EPN2: variants seen among roughly 807,000 people sequenced by gnomAD.
EPN2 encodes epsin-2.
In EPN2, 34 loss-of-function variants were observed where a neutral mutation model predicts 61.7. The observed-to-expected ratio is 0.55, with a 90% CI of 0.42 to 0.73. EPN2 has a LOEUF of 0.73. Among genes scored for constraint, EPN2 ranks in the 30% least tolerant of loss-of-function variants. EPN2 has a pLI of 0.00. For missense variants in EPN2, 714 were observed against 839.2 expected (o/e 0.85, Z 1.84); for synonymous variants, 349 against 353.6 (o/e 0.99, Z 0.15).
intron 7 of EPN2, among the ~76,000 whole-genome samples, chr17:19,326,497 T>C (rs59843014): frequency 0.01 from 1,592 of 152,130 alleles, 21 homozygotes; most frequent in African/African-American, 0.035. Context: ...CCATCCTGGC[T>C]AACACGGTGA....
At chr17:19,263,415 C>T (rs148073253) in intron 1 of EPN2, among the ~76,000 whole-genome samples, 8 of 152,216 alleles carry the variant, frequency 5.3e-5, no homozygotes, top group African/African-American at 1.4e-4. Flanking sequence ...ATAGAAATTA[C>T]GTGGGTTGGC....
intron 1 of EPN2, among the ~76,000 whole-genome samples, chr17:19,262,409 C>T (rs1197662792): frequency 6.6e-6 from 1 of 151,780 alleles, no homozygotes; most frequent in Non-Finnish European, 1.5e-5. Context: ...ACCCAGGAGG[C>T]GGAGGTTGCC....
chr17:19,334,597 C>G lies in EPN2; in HGVS notation c.*343C>G. On this transcript the variant is annotated 3_prime_UTR_variant, in exon 11 of 11. Coordinates refer to ENST00000314728, the MANE Select transcript of EPN2 (RefSeq NM_014964.5). The surrounding 1 kb of genome is among the most constrained non-coding windows in gnomAD (Gnocchi z 4.9). ...ATGTTGCCTGGCCCAGGACTTGGGA[C>G]AGTGGCCTTGTCTTTGTCCTCCCCA... 1 of 202,770 alleles carries G rather than the reference C, an allele frequency of 4.9e-6. No homozygotes were observed. The highest frequency in any genetic ancestry group is 9.8e-6 in the Non-Finnish European group (1 of 101,886). 12.6% of individuals were successfully genotyped at this position (202,770 alleles called of 1,614,324 possible). A position where few individuals can be genotyped will look rare whatever the true frequency, so the allele number is the denominator to read the frequency against.
intron 1 of EPN2, among the ~76,000 whole-genome samples, chr17:19,259,739 A>C (rs16960158): frequency 0.19 from 28,654 of 152,092 alleles, 3,480 homozygotes; most frequent in East Asian, 0.6. Flanking sequence ...GGAAAAGGCC[A>C]AGGGTGCCTA....
intron 1 of EPN2, among the ~76,000 whole-genome samples, chr17:19,261,005 C>G (rs1361930048): frequency 1.3e-5 from 2 of 152,182 alleles, no homozygotes; most frequent in East Asian, 3.9e-4. Flanking sequence ...GAATACTCAC[C>G]CCTGAGGAAA....
At chr17:19,320,619 C>T (rs1906595459) in intron 7 of EPN2, among the ~76,000 whole-genome samples, 1 of 152,188 alleles carries the variant, frequency 6.6e-6, no homozygotes, top group African/African-American at 2.4e-5. Context: ...TTACTAAAAT[C>T]CCTAAGAGCT....
At chr17:19,289,724 GTTTTTTTTT>G (rs58087532) in intron 4 of EPN2, among the ~76,000 whole-genome samples, 3 of 78,028 alleles carry the variant, frequency 3.8e-5, no homozygotes, top group African/African-American at 9.6e-5. Context: ...GGCGCTCATG[GTTTTTTTTT>G]TTTTTTTTTT....
intron 5 of EPN2, among the ~76,000 whole-genome samples, chr17:19,310,972 C>T (rs1250576080): frequency 6.6e-6 from 1 of 152,074 alleles, no homozygotes; most frequent in Non-Finnish European, 1.5e-5. Flanking sequence ...CCTTTGGTTG[C>T]AGTTATCAGG....
intron 1 of EPN2, chr17:19,276,471 C>T (rs140229165): frequency 0.034 from 4,888 of 145,332 alleles, 343 homozygotes; most frequent in South Asian, 0.2. Context: ...CTTGGCCTCC[C>T]GAAGTGCTGG....
chr17:19,257,541 A>G (rs1386999416), intron 1 of EPN2, among the ~76,000 whole-genome samples: 1 of 143,140 alleles, frequency 7.0e-6, no homozygotes, highest in African/African-American at 2.7e-5. Context: ...TTTTTTTGAC[A>G]CGGGGTCTTG....
intron 1 of EPN2, among the ~76,000 whole-genome samples, chr17:19,278,442 G>A (rs998859082): frequency 1.3e-5 from 2 of 152,166 alleles, no homozygotes; most frequent in Non-Finnish European, 2.9e-5. Flanking sequence ...AGAGAAAAAT[G>A]AGGAAGAAGC....
intron 1 of EPN2, among the ~76,000 whole-genome samples, chr17:19,267,238 T>C (rs4608393): frequency 1.3e-5 from 2 of 151,620 alleles, no homozygotes; most frequent in East Asian, 2.0e-4. Flanking sequence ...TGAGGACGTG[T>C]GTGGTGACCA....
chr17:19,292,071 G>A (rs1420389330), intron 4 of EPN2, among the ~76,000 whole-genome samples: 1 of 152,192 alleles, frequency 6.6e-6, no homozygotes, highest in African/African-American at 2.4e-5. Context: ...ACTCAAAGAT[G>A]TGGGAAAATA....
At position 19,334,255 on chromosome 17, in the gene EPN2, T is replaced by A. The variant is rs766845794; in HGVS notation, c.*1T>A. The stretch of plus-strand genomic sequence containing the variant: ...CACAACCAACCCTTTCCTTCTCTAG[T>A]GCCTGGGCCTGGGACCCACCCAGAG... On this transcript the variant is annotated 3_prime_UTR_variant, in exon 11 of 11. Transcript: ENST00000314728. This position sits in a 1 kb window ranked among gnomAD's most constrained non-coding sequence, Gnocchi z 4.9. 2.1e-6 allele frequency: 3 copies of A among 1,446,622 alleles called. No homozygotes were observed. The highest frequency in any genetic ancestry group is 2.8e-6 in the Non-Finnish European group (3 of 1,089,180). 89.6% of individuals were successfully genotyped at this position (1,446,622 alleles called of 1,614,324 possible).
intron 1 of EPN2, among the ~76,000 whole-genome samples, chr17:19,247,396 C>T (rs911352697): frequency 1.3e-5 from 2 of 152,046 alleles, no homozygotes; most frequent in African/African-American, 4.8e-5. Flanking sequence ...GATTCTTTGT[C>T]AGGGGGTCAA....
chr17:19,266,477 A>G (rs898786745), intron 1 of EPN2, among the ~76,000 whole-genome samples: 20 of 148,908 alleles, frequency 1.3e-4, no homozygotes, highest in Non-Finnish European at 1.9e-4. Flanking sequence ...ATCTTGGCCC[A>G]CTGCAAGCTC....
rs2045436431 is a variant in EPN2, at chr17:19,289,251, A to AT, written c.766+3467dup. 2.6e-5 allele frequency among the ~76,000 whole-genome samples: 4 copies of AT among 151,516 alleles called. No individual in the cohort carries two copies. In the South Asian group the frequency reaches 8.3e-4, roughly 32 times the overall value. On this transcript the variant is annotated intron_variant, in intron 4 of 10. Transcript: ENST00000314728. ...AGGCGCCCGCCACCACGCCCGGCTA[A>AT]TTTTTTGTATTTTTAGTAGAGATGA...
intron 1 of EPN2, among the ~76,000 whole-genome samples, chr17:19,248,227 A>G (rs1007170442): frequency 3.3e-5 from 5 of 152,220 alleles, no homozygotes; most frequent in African/African-American, 1.2e-4. Flanking sequence ...ACTGGCAGAA[A>G]TGATCACCCT....
intron 1 of EPN2, among the ~76,000 whole-genome samples, chr17:19,260,445 C>G (rs2045128874): frequency 6.6e-6 from 1 of 152,074 alleles, no homozygotes; most frequent in African/African-American, 2.4e-5. Flanking sequence ...GGTGCAGGGT[C>G]CCTGCCCTCC....
Sources: gnomAD v4.1 joint callset for allele counts (sites outside exome capture counted in the v4.1 genomes callset) on GRCh38, gnomAD v4.1.1 for gene constraint, Gnocchi (gnomAD v3.1) non-coding constraint, MANE v1.5 for transcripts, NCBI Gene and HGNC (gene_info 2026-07-23, HGNC 2026-07-21) for gene names.